The following ATP10A variants were observed in gnomAD, a reference collection of about 807,000 sequenced individuals.
ATP10A encodes ATPase phospholipid transporting 10A (putative), also known as phospholipid-transporting ATPase VA.
A neutral mutation model predicts 147.8 loss-of-function variants in ATP10A; 111 were observed. That is an observed-to-expected ratio of 0.75 (90% CI 0.64 to 0.88). The LOEUF (loss-of-function observed/expected upper bound fraction) is 0.88. ATP10A is among the 40% of genes least tolerant of loss of function. ATP10A has a pLI of 0.00. For synonymous variants in ATP10A, 875 were observed against 841.6 expected, an observed-to-expected ratio of 1.04 and a Z score of -0.69; for missense variants, 1,927 against 1,959.0, an observed-to-expected ratio of 0.98 and a Z score of 0.31.
intron 1 of ATP10A, among the ~76,000 whole-genome samples, chr15:25,808,443 G>A (rs922109355): frequency 2.0e-5 from 3 of 152,202 alleles, no homozygotes; most frequent in Non-Finnish European, 4.4e-5. Flanking sequence ...GGAGTGCAAT[G>A]GCACAATCTC....
intron 1 of ATP10A, among the ~76,000 whole-genome samples, chr15:25,785,096 C>T (rs1438879262): frequency 6.6e-6 from 1 of 152,026 alleles, no homozygotes; most frequent in African/African-American, 2.4e-5. Flanking sequence ...AATCCTGCAA[C>T]CACTCCAGCT....
chr15:25,857,148 G>A (rs1893554652), intron 1 of ATP10A, among the ~76,000 whole-genome samples: 1 of 152,154 alleles, frequency 6.6e-6, no homozygotes, highest in African/African-American at 2.4e-5. Flanking sequence ...GTATTTAACA[G>A]TATTAGGAAA....
intron 2 of ATP10A, among the ~76,000 whole-genome samples, chr15:25,752,427 T>C (rs1422040305): frequency 2.0e-5 from 3 of 152,204 alleles, no homozygotes; most frequent in African/African-American, 7.2e-5. Flanking sequence ...TACTCACTTA[T>C]ATGTGGAATC....
At chr15:25,863,977 A>G (rs533828357), upstream of ATP10A, among the ~76,000 whole-genome samples, 1 of 152,314 alleles carries the variant, frequency 6.6e-6, no homozygotes, top group Admixed American at 6.5e-5. Context: ...GGAGAAATAT[A>G]TCGCTATAGC....
chr15:25,764,019 A>T (rs1888894822), intron 2 of ATP10A, among the ~76,000 whole-genome samples: 1 of 152,146 alleles, frequency 6.6e-6, no homozygotes, highest in Non-Finnish European at 1.5e-5. Flanking sequence ...TTAGAGAAGA[A>T]TATGCCTCAT....
chr15:25,781,229 A>G lies in ATP10A; in HGVS notation c.450-6T>C, dbSNP rs1889906427. On this transcript the variant is annotated splice_polypyrimidine_tract_variant and splice_region_variant and intron_variant, in intron 1 of 20. Transcript: ENST00000555815. ...TCACGTATTTCTTTTCTTCCCTAGA[A>G]AACAGATTTTGATTAACAAAACTCA... 3 of 1,608,958 alleles carry G rather than the reference A, an allele frequency of 1.9e-6. No individual in the cohort carries two copies. The highest frequency in any genetic ancestry group is 8.5e-7 in the Non-Finnish European group (1 of 1,177,204).
At chr15:25,775,605 T>C (rs1889565951) in intron 2 of ATP10A, among the ~76,000 whole-genome samples, 1 of 152,242 alleles carries the variant, frequency 6.6e-6, no homozygotes, top group African/African-American at 2.4e-5. Context: ...CGTGCACACA[T>C]GTGCACACGC....
At chr15:25,772,187 G>A (rs1330800747) in intron 2 of ATP10A, among the ~76,000 whole-genome samples, 1 of 152,148 alleles carries the variant, frequency 6.6e-6, no homozygotes, top group African/African-American at 2.4e-5. Context: ...CTAGCTTTCT[G>A]AACACTGACT....
rs1361724849 is a variant in ATP10A at position 25,862,738 on chromosome 15, G to A, written c.359C>T (p.Ala120Val). The change falls in exon 1 of 21, where the codon GCC becomes GTC. Residue 120 changes from alanine to valine, a missense_variant. Transcript: ENST00000555815. ...CCACAGGTCCCTGAAGGCCGTGATG[G>A]CCAGGATGAAGAGCACCGGCGCCAG... is the stretch of plus-strand genomic sequence containing the variant. ...LALAPVLFILAITAFRDLWED... is the reference protein window; with the variant it reads ...LALAPVLFILVITAFRDLWED... The A allele has an allele frequency of 3.1e-6, 5 of 1,612,434 alleles. No individual in the cohort carries two copies. The highest frequency in any genetic ancestry group is 3.3e-4 in the Middle Eastern group (2 of 6,054).
At chr15:25,732,515 G>A (rs1414337974) in intron 3 of ATP10A, among the ~76,000 whole-genome samples, 7 of 142,330 alleles carry the variant, frequency 4.9e-5, no homozygotes, top group African/African-American at 1.6e-4. Flanking sequence ...CACTTTCTGT[G>A]TCTAAGATTT....
At chr15:25,813,504 G>C (rs1430971502) in intron 1 of ATP10A, among the ~76,000 whole-genome samples, 1 of 152,288 alleles carries the variant, frequency 6.6e-6, no homozygotes, top group Non-Finnish European at 1.5e-5. Context: ...GTGAAAAAAA[G>C]CAGGCATGCA....
At chr15:25,698,978 T>C (rs1028449238) in intron 13 of ATP10A, among the ~76,000 whole-genome samples, 1 of 152,162 alleles carries the variant, frequency 6.6e-6, no homozygotes, top group African/African-American at 2.4e-5. Context: ...ATACCATGTT[T>C]ACAGAGTGGA....
intron 1 of ATP10A, among the ~76,000 whole-genome samples, chr15:25,799,060 T>A (rs1347184951): frequency 6.6e-6 from 1 of 152,236 alleles, no homozygotes; most frequent in East Asian, 1.9e-4. Context: ...CCATGCCTGC[T>A]TGCCCGCAGT....
rs1284568348 is a variant in ATP10A, at chr15:25,679,760, C to CCGGT, written c.4080_4081insACCG (p.Val1361ThrfsTer52). ...TCCCCGCTGGCCTCCAGGGAGCAGA[C>CCGGT]CGGCTGCTGTGTGTGCCAAGAAGGC... On this transcript the variant is annotated frameshift_variant, in exon 21 of 21. Transcript: ENST00000555815. LOFTEE classifies it high-confidence loss of function. 6.2e-7 allele frequency: 1 copy of CCGGT among 1,613,220 alleles called. No homozygotes were observed. Among genetic ancestry groups the CCGGT allele is most frequent in the Non-Finnish European group, 8.5e-7 (1 of 1,179,968 alleles).
chr15:25,688,260 GAC>G (rs1899808631), intron 15 of ATP10A, among the ~76,000 whole-genome samples: 1 of 152,200 alleles, frequency 6.6e-6, no homozygotes, highest in African/African-American at 2.4e-5. Context: ...ATGTATCAGA[GAC>G]AGACATTCCC....
Position 25,679,461 on chromosome 15 carries a change from C to T in ATP10A, c.4380G>A (p.Glu1460=). ...GTCCCGCTTGTCCATCTGCAAGCTG[C>T]TCCGTCCGGGAGAACTGTAAGACAC... The part of the protein sequence containing the change: ...LGSVLQFSRT[E]QLADGQAGRG... The change falls in exon 21 of 21, where the codon GAG becomes GAA. Residue 1460 remains glutamate, a synonymous_variant. Coordinates refer to ENST00000555815, the MANE Select transcript of ATP10A (RefSeq NM_024490.4). 2 of 1,614,068 alleles carry T rather than the reference C, an allele frequency of 1.2e-6. No individual in the cohort carries two copies. The highest frequency in any genetic ancestry group is 4.5e-5 in the East Asian group (2 of 44,870).
intron 1 of ATP10A, among the ~76,000 whole-genome samples, chr15:25,790,082 G>A (rs968500081): frequency 1.3e-5 from 2 of 152,166 alleles, no homozygotes; most frequent in African/African-American, 2.4e-5. Flanking sequence ...CAGTGGGAAC[G>A]TGAGCCAAGT....
chr15:25,693,784 G>A (rs1223831456), intron 14 of ATP10A, among the ~76,000 whole-genome samples: 1 of 152,170 alleles, frequency 6.6e-6, no homozygotes, highest in Non-Finnish European at 1.5e-5. Flanking sequence ...TCCCCATGAC[G>A]ACCGTGTTCA....
chr15:25,690,817 G>A (rs1436306236), intron 15 of ATP10A, among the ~76,000 whole-genome samples: 1 of 152,198 alleles, frequency 6.6e-6, no homozygotes, highest in Non-Finnish European at 1.5e-5. Flanking sequence ...ATTTTCTGGA[G>A]GAAGAAAAAA....
Sources: allele counts gnomAD v4.1 joint callset (sites outside exome capture counted in the v4.1 genomes callset), GRCh38; gene constraint gnomAD v4.1.1; transcripts MANE v1.5; gene names NCBI Gene and HGNC (gene_info 2026-07-23, HGNC 2026-07-21).